Variants in PTPRS observed in about 807,000 individuals in gnomAD.
The protein encoded by PTPRS is receptor-type tyrosine-protein phosphatase S.
In PTPRS, 63 loss-of-function variants were observed where a neutral mutation model predicts 215.3. That is an observed-to-expected ratio of 0.29 (90% CI 0.24 to 0.36). The LOEUF is 0.36. PTPRS is among the 10% of genes least tolerant of loss of function. PTPRS has a pLI of 1.00. For synonymous variants in PTPRS, 1,404 were observed against 1,191.4 expected, an observed-to-expected ratio of 1.18 and a Z score of -3.68; for missense variants, 2,258 against 2,825.8, an observed-to-expected ratio of 0.80 and a Z score of 4.56.
rs199734331 is a variant in PTPRS, at chr19:5,222,834, C to A, written c.2958G>T (p.Ala986=). The change falls in exon 18 of 38, where the codon GCG becomes GCT. Residue 986 remains alanine, a synonymous_variant. Coordinates refer to ENST00000262963, the MANE Select transcript of PTPRS (RefSeq NM_002850.4). ...GPARETELPA[A]AEPGAENALT... ...GCGCGTTCTCCGCGCCCGGCTCAGC[C>A]GCTGCCGGCAGCTCAGTCTCTCGGG... 2 of 1,594,524 alleles carry A rather than the reference C, an allele frequency of 1.3e-6. No homozygotes were observed. Among genetic ancestry groups the A allele is most frequent in the South Asian group, 2.2e-5 (2 of 90,580 alleles).
At chr19:5,305,679 T>C (rs1383164319) in intron 1 of PTPRS, among the ~76,000 whole-genome samples, 1 of 151,256 alleles carries the variant, frequency 6.6e-6, no homozygotes, top group Non-Finnish European at 1.5e-5. Context: ...CAGTGAGTGA[T>C]GATCCTGCCA....
At position 5,212,506 on chromosome 19, in the gene PTPRS, G is replaced by A. The variant is rs544508707; in HGVS notation, c.4615-15C>T. 14 of 1,573,972 alleles carry A rather than the reference G, an allele frequency of 8.9e-6. No homozygotes were observed. The South Asian group carries it at 1.0e-4, about 12-fold the overall frequency. ...CTGGAGCCATTCTGGGGACCACAAG[G>A]ATGTCACCTGTCACTCCGGCTCAAC... On this transcript the variant is annotated splice_polypyrimidine_tract_variant and intron_variant, in intron 30 of 37. Coordinates refer to ENST00000262963, the MANE Select transcript of PTPRS (RefSeq NM_002850.4).
rs200478803 is a variant in PTPRS at position 5,222,106 on chromosome 19, T to C, written c.3201+17A>G. 6.2e-6 allele frequency: 10 copies of C among 1,600,162 alleles called. No individual in the cohort carries two copies. Among genetic ancestry groups the C allele is most frequent in the African/African-American group, 4.1e-5 (3 of 72,436 alleles). On this transcript the variant is annotated intron_variant, in intron 19 of 37. Transcript: ENST00000262963. ...TGACCCTGCCTGCCTGCCTGCCTGC[T>C]GGCTGGGCAGTCGCACCTTGTAGGG...
chr19:5,286,850 G>A (rs995653173), intron 1 of PTPRS, among the ~76,000 whole-genome samples: 6 of 151,824 alleles, frequency 4.0e-5, no homozygotes, highest in Admixed American at 2.6e-4. Context: ...CCCACACCAG[G>A]ACTGAGGACC....
chr19:5,307,824 G>A (rs953138450), intron 1 of PTPRS, among the ~76,000 whole-genome samples: 14 of 152,184 alleles, frequency 9.2e-5, no homozygotes, highest in Non-Finnish European at 2.1e-4. Context: ...CCATATCGGG[G>A]GCCAAATCCG....
In PTPRS at chr19:5,311,982, G is replaced by A. The variant is rs187993622; in HGVS notation, c.-94-25748C>T. On this transcript the variant is annotated intron_variant, in intron 1 of 37. Coordinates refer to ENST00000262963, the MANE Select transcript of PTPRS (RefSeq NM_002850.4). The stretch of plus-strand genomic sequence containing the variant: ...GTGAACCCGGGAGGCGGAGCTTGCA[G>A]TGAGCCGAGATCGTGCGCCACTGCA... Among the ~76,000 whole-genome samples the A allele has an allele frequency of 3.1e-3, 467 of 152,080 alleles. 4 individuals are homozygous for A. Among genetic ancestry groups the A allele is most frequent in the African/African-American group, 0.011 (456 of 41,496 alleles).
At chr19:5,227,195 C>T (rs1235880406) in intron 16 of PTPRS, among the ~76,000 whole-genome samples, 2 of 151,964 alleles carry the variant, frequency 1.3e-5, no homozygotes, top group Admixed American at 6.6e-5. Context: ...TACAGACGTG[C>T]ACCACCACAT....
intron 11 of PTPRS, among the ~76,000 whole-genome samples, chr19:5,243,348 C>G (rs1171054435): frequency 6.6e-6 from 1 of 151,856 alleles, no homozygotes; most frequent in Non-Finnish European, 1.5e-5. Context: ...GTTGGCCAGG[C>G]TGGTCTCAAA....
intron 7 of PTPRS, 64 bp downstream of exon 7, chr19:5,260,741 C>G (rs374362181): frequency 1.9e-6 from 3 of 1,598,814 alleles, no homozygotes; most frequent in Non-Finnish European, 2.6e-6. Context: ...CCCTGTGGAG[C>G]CTGAGGGGCT....
In PTPRS at chr19:5,206,082, A is replaced by AAAAGC. The variant is rs1555729800; in HGVS notation, c.*691_*692insGCTTT. 5.5e-5 allele frequency among the ~76,000 whole-genome samples: 8 copies of AAAAGC among 144,460 alleles called. No homozygotes were observed. Among genetic ancestry groups the AAAAGC allele is most frequent in the African/African-American group, 1.6e-4 (6 of 37,882 alleles). The allele number at this position is 144,460 out of a possible 152,430, so 94.8% of individuals were successfully genotyped here. A position where few individuals can be genotyped will look rare whatever the true frequency, so the allele number is the denominator to read the frequency against. ...AATTAAAAAAAAAAAAAAAAAAAAAAAAGCCAAGGTACAGCCATGGGCCTG... is the reference window on the plus strand; with the variant it reads ...AATTAAAAAAAAAAAAAAAAAAAAAAAAAGCAAGCCAAGGTACAGCCATGGGCCTG... On this transcript the variant is annotated 3_prime_UTR_variant, in exon 38 of 38. Coordinates refer to ENST00000262963, the MANE Select transcript of PTPRS (RefSeq NM_002850.4).
chr19:5,336,314 G>A (rs1043077802), intron 1 of PTPRS, among the ~76,000 whole-genome samples: 1 of 151,502 alleles, frequency 6.6e-6, no homozygotes, highest in Non-Finnish European at 1.5e-5. Context: ...GAACCTCAGG[G>A]TTAGAGAGAC....
intron 11 of PTPRS, among the ~76,000 whole-genome samples, chr19:5,241,267 G>A (rs1347670659): frequency 6.6e-6 from 1 of 151,996 alleles, no homozygotes; most frequent in South Asian, 2.1e-4. Context: ...AGGGAGATAT[G>A]TGTGCCTATT....
At position 5,208,281 on chromosome 19, in the gene PTPRS, A is replaced by G; in HGVS notation, c.5598T>C (p.Thr1866=). Residue 1866 remains threonine (T), a synonymous_variant, in exon 36 of 38, where the codon ACT becomes ACC. Transcript: ENST00000262963. The stretch of plus-strand genomic sequence containing the variant: ...GGCCGTCCTGGCCAAACTGCTCCTT[A>G]GTCTTATGCACTTGGCCAATGAAGT... ...FIDFIGQVHK[T]KEQFGQDGPI... 1 of 1,613,456 alleles carries G rather than the reference A, an allele frequency of 6.2e-7. No individual in the cohort carries two copies. Among genetic ancestry groups the G allele is most frequent in the African/African-American group, 1.3e-5 (1 of 75,024 alleles).
intron 1 of PTPRS, among the ~76,000 whole-genome samples, chr19:5,327,662 A>T (rs2050205780): frequency 6.6e-6 from 1 of 152,124 alleles, no homozygotes; most frequent in Admixed American, 6.5e-5. Context: ...GCAATGGGGC[A>T]TGATCATAGC....
chr19:5,242,657 G>A (rs1200521243), intron 11 of PTPRS, among the ~76,000 whole-genome samples: 1 of 151,886 alleles, frequency 6.6e-6, no homozygotes, highest in Non-Finnish European at 1.5e-5. Flanking sequence ...GGGATCACAG[G>A]CATAAGCCAC....
chr19:5,336,274 C>CG (rs1380277424), intron 1 of PTPRS, among the ~76,000 whole-genome samples: 5 of 33,772 alleles, frequency 1.5e-4, no homozygotes, highest in South Asian at 9.4e-4. Flanking sequence ...GGGGGGGGGG[C>CG]GGGGGGGAAA....
At position 5,215,218 on chromosome 19, in the gene PTPRS, G is replaced by A. The variant is rs529234473; in HGVS notation, c.4318+71C>T. On this transcript the variant is annotated intron_variant, in intron 28 of 37. Transcript: ENST00000262963. ...CAGAATCAGGCCTCAGTGGCCCAAG[G>A]GGAGACATGGGATCTAGCACTTTCC... 1.5e-4 allele frequency: 234 copies of A among 1,584,024 alleles called. 5 individuals carry two copies. The South Asian group carries it at 2.5e-3, about 17-fold the overall frequency.
At chr19:5,255,558 C>A (rs1232173285) in intron 9 of PTPRS, among the ~76,000 whole-genome samples, 4 of 127,998 alleles carry the variant, frequency 3.1e-5, no homozygotes, top group Admixed American at 8.1e-5. Context: ...TTTTTCCCCC[C>A]AAAACGAAAC....
chr19:5,254,360 C>T (rs536882963), intron 9 of PTPRS, among the ~76,000 whole-genome samples: 3 of 151,728 alleles, frequency 2.0e-5, no homozygotes, highest in African/African-American at 4.8e-5. Context: ...TCCTCAACAT[C>T]GTCTAAACGG....
Sources: allele counts gnomAD v4.1 joint callset (sites outside exome capture counted in the v4.1 genomes callset), GRCh38; gene constraint gnomAD v4.1.1; transcripts MANE v1.5; gene names NCBI Gene and HGNC (gene_info 2026-07-23, HGNC 2026-07-21).